Variants in GUCY1A2 observed in about 807,000 individuals in gnomAD.
The protein encoded by GUCY1A2 is guanylate cyclase soluble subunit alpha-2.
GUCY1A2 carries 27 observed loss-of-function variants against 63.5 expected under a neutral mutation model. The observed-to-expected ratio is 0.43, with a 90% CI of 0.31 to 0.59. The LOEUF (loss-of-function observed/expected upper bound fraction) is 0.59, where lower values mean the gene tolerates loss of function less well. Ranked by LOEUF, GUCY1A2 falls within the 20% of genes least tolerant of loss-of-function variation. GUCY1A2 has a pLI of 0.11. For synonymous variants in GUCY1A2, 364 were observed against 343.5 expected, an observed-to-expected ratio of 1.06 and a Z score of -0.66; for missense variants, 768 against 913.3, an observed-to-expected ratio of 0.84 and a Z score of 2.05.
chr11:106,745,363 T>G (rs1201918478), intron 6 of GUCY1A2, among the ~76,000 whole-genome samples: 1 of 152,242 alleles, frequency 6.6e-6, no homozygotes, highest in African/African-American at 2.4e-5. Flanking sequence ...TTTGTCTAAT[T>G]GGTTCTCCAC....
chr11:106,846,922 C>A (rs886588685), intron 4 of GUCY1A2, among the ~76,000 whole-genome samples: 1 of 150,998 alleles, frequency 6.6e-6, no homozygotes, highest in African/African-American at 2.4e-5. Context: ...CTATAGGCAC[C>A]AAGCAGAAAT....
intron 3 of GUCY1A2, among the ~76,000 whole-genome samples, chr11:106,971,763 C>T (rs539906984): frequency 9.2e-5 from 14 of 152,258 alleles, no homozygotes; most frequent in Admixed American, 9.2e-4. Flanking sequence ...AGAAGCAAAA[C>T]ACCCCAATAG....
At chr11:106,921,775 A>C (rs947694675) in intron 4 of GUCY1A2, among the ~76,000 whole-genome samples, 1 of 152,126 alleles carries the variant, frequency 6.6e-6, no homozygotes, top group Non-Finnish European at 1.5e-5. Context: ...AAAAACAAAC[A>C]AACCCCTTCC....
intron 1 of GUCY1A2, among the ~76,000 whole-genome samples, chr11:107,002,451 A>C (rs1247367777): frequency 2.6e-5 from 4 of 151,792 alleles, no homozygotes; most frequent in African/African-American, 9.7e-5. Context: ...AACTTTTATA[A>C]CTACATATAT....
At position 106,791,724 on chromosome 11, in the gene GUCY1A2, T is replaced by C. The variant is rs568463208; in HGVS notation, c.1693-15142A>G. Among the ~76,000 whole-genome samples the C allele has an allele frequency of 4.6e-5, 7 of 152,282 alleles. No individual in the cohort carries two copies. In the South Asian group the frequency reaches 1.4e-3, roughly 32 times the overall value. ...CCTAGTCCCTCTTCCAGAAGTCAAA[T>C]TTGTCACATGCTTCCAAGTCCACCT... On this transcript the variant is annotated intron_variant, in intron 5 of 7. Transcript: ENST00000526355.
At chr11:106,958,260 C>T (rs1861016307) in intron 3 of GUCY1A2, among the ~76,000 whole-genome samples, 1 of 152,090 alleles carries the variant, frequency 6.6e-6, no homozygotes, top group Admixed American at 6.6e-5. Flanking sequence ...ATAACCAGTC[C>T]AATCTCTCTC....
At chr11:106,996,994 T>TCA (rs1290176872) in intron 1 of GUCY1A2, among the ~76,000 whole-genome samples, 2 of 152,160 alleles carry the variant, frequency 1.3e-5, no homozygotes, top group African/African-American at 2.4e-5. Flanking sequence ...TACAGAATAA[T>TCA]CACTTTTTCT....
chr11:106,680,922 T>G lies in GUCY1A2; in HGVS notation c.*6627A>C, dbSNP rs1862422167. ...TAAGCTTATATGCTAAATCATAATC[T>G]GATGTTTAGATACTGTTCAGTATAA... On this transcript the variant is annotated 3_prime_UTR_variant, in exon 8 of 8. Transcript: ENST00000526355. The G allele has an allele frequency of 4.9e-6, 1 of 203,224 alleles. No individual in the cohort carries two copies. Among genetic ancestry groups the G allele is most frequent in the African/African-American group, 2.3e-5 (1 of 43,666 alleles). The allele number at this position is 203,224 out of a possible 1,614,324, so 12.6% of individuals were successfully genotyped here.
At chr11:106,833,649 G>C (rs1859080152) in intron 4 of GUCY1A2, among the ~76,000 whole-genome samples, 1 of 152,012 alleles carries the variant, frequency 6.6e-6, no homozygotes, top group African/African-American at 2.4e-5. Context: ...CTACCATGTG[G>C]AACAGTACAC....
chr11:106,946,511 A>G (rs1195934155), intron 3 of GUCY1A2, among the ~76,000 whole-genome samples: 1 of 152,202 alleles, frequency 6.6e-6, no homozygotes, highest in Non-Finnish European at 1.5e-5. Context: ...AAAAGGTTGA[A>G]AATGAGTCAA....
intron 4 of GUCY1A2, among the ~76,000 whole-genome samples, chr11:106,811,253 C>T (rs1461422132): frequency 6.6e-6 from 1 of 152,024 alleles, no homozygotes; most frequent in Non-Finnish European, 1.5e-5. Flanking sequence ...TAATGGGAAA[C>T]TTAGTGAACA....
chr11:106,769,784 A>T (rs1025811270), intron 6 of GUCY1A2, among the ~76,000 whole-genome samples: 2 of 152,152 alleles, frequency 1.3e-5, no homozygotes, highest in African/African-American at 2.4e-5. Flanking sequence ...AATGAGGATA[A>T]CTGGGATCAG....
chr11:106,785,071 G>A (rs1864533077), intron 5 of GUCY1A2, among the ~76,000 whole-genome samples: 2 of 152,124 alleles, frequency 1.3e-5, no homozygotes, highest in South Asian at 4.1e-4. Context: ...ATCTCTTAAT[G>A]CCCACCATCA....
In GUCY1A2 at chr11:106,795,329, G is replaced by C. The variant is rs114273063; in HGVS notation, c.1692+14664C>G. Among the ~76,000 whole-genome samples, 201 of 152,236 alleles carry C rather than the reference G, an allele frequency of 1.3e-3. 1 individual carries two copies. The highest frequency in any genetic ancestry group is 4.5e-3 in the African/African-American group (188 of 41,556). ...TTAAGCAGAGGGCTGAAATATGCCC[G>C]ACTGGATATGAGGCGATGACACTAA... On this transcript the variant is annotated intron_variant, in intron 5 of 7. Transcript: ENST00000526355.
At chr11:106,717,251 T>C (rs1318043847) in intron 6 of GUCY1A2, among the ~76,000 whole-genome samples, 1 of 152,214 alleles carries the variant, frequency 6.6e-6, no homozygotes, top group Admixed American at 6.5e-5. Flanking sequence ...ATAATAATGA[T>C]AATACCTTCT....
Position 106,674,511 on chromosome 11 carries a change from CT to C in GUCY1A2, c.*13037del, listed in dbSNP as rs1197282174. The C allele has an allele frequency of 1.7e-5, 3 of 178,152 alleles. No individual in the cohort carries two copies. In the East Asian group the frequency reaches 2.9e-4, roughly 17 times the overall value. 11.0% of individuals were successfully genotyped at this position (178,152 alleles called of 1,614,324 possible). A position where few individuals can be genotyped will look rare whatever the true frequency, so the allele number is the denominator to read the frequency against. On this transcript the variant is annotated 3_prime_UTR_variant, in exon 8 of 8. Coordinates refer to ENST00000526355, the MANE Select transcript of GUCY1A2 (RefSeq NM_000855.3). ...ATATAATATGAAATACCAAATGAAA[CT>C]TTTTTAAAATTAATGGTACAGGTTT...
intron 4 of GUCY1A2, chr11:106,827,170 C>G: frequency 2.0e-6 from 3 of 1,498,460 alleles, no homozygotes; most frequent in Non-Finnish European, 2.8e-6. Context: ...AAGATTCAAG[C>G]CTTCATGCCA....
At chr11:106,694,384 C>T (rs188240332) in intron 7 of GUCY1A2, among the ~76,000 whole-genome samples, 47 of 152,242 alleles carry the variant, frequency 3.1e-4, no homozygotes, top group Admixed American at 2.3e-3. Context: ...TAAAGTTCTA[C>T]AAAAGTACAT....
At chr11:106,789,822 C>G (rs1864626457) in intron 5 of GUCY1A2, among the ~76,000 whole-genome samples, 1 of 152,208 alleles carries the variant, frequency 6.6e-6, no homozygotes, top group Non-Finnish European at 1.5e-5. Flanking sequence ...CAGGCAGAGA[C>G]TTTTTCTCTT....
Sources: gnomAD v4.1 joint callset for allele counts (sites outside exome capture counted in the v4.1 genomes callset) on GRCh38, gnomAD v4.1.1 for gene constraint, MANE v1.5 for transcripts, NCBI Gene and HGNC (gene_info 2026-07-23, HGNC 2026-07-21) for gene names.